The following ADGRV1 variants were observed in gnomAD, a reference collection of about 807,000 sequenced individuals.
ADGRV1 encodes G-protein coupled receptor 98.
A neutral mutation model predicts 596.2 loss-of-function variants in ADGRV1; 359 were observed. The ratio of observed to expected loss-of-function variants is 0.60; its 90% CI spans 0.55 to 0.66. ADGRV1 has a LOEUF of 0.66. Ranked by LOEUF, ADGRV1 falls within the 30% of genes least tolerant of loss-of-function variation. ADGRV1 has a pLI of 0.00. For missense variants in ADGRV1, 7,274 were observed against 7,575.6 expected, an observed-to-expected ratio of 0.96 and a Z score of 1.48; for synonymous variants, 2,681 against 2,679.2, an observed-to-expected ratio of 1.00 and a Z score of -0.02.
chr5:91,039,464 G>A (rs1167673873), intron 85 of ADGRV1, among the ~76,000 whole-genome samples: 2 of 152,202 alleles, frequency 1.3e-5, no homozygotes, highest in African/African-American at 4.8e-5. Flanking sequence ...ATTCACCTCT[G>A]AACCAAAGCT....
intron 83 of ADGRV1, among the ~76,000 whole-genome samples, chr5:90,953,398 C>G (rs1777210150): frequency 6.6e-6 from 1 of 152,170 alleles, no homozygotes. Flanking sequence ...CTTCCCTCCT[C>G]ATTTAGTTGA....
chr5:90,778,817 C>T (rs372143615), intron 63 of ADGRV1, 48 bp from the exon 64 acceptor site: 1 of 1,458,454 alleles, frequency 6.9e-7, no homozygotes, highest in Non-Finnish European at 9.5e-7. Flanking sequence ...ACAGTATTGT[C>T]TGGTAGATTA....
chr5:90,788,720 G>A (rs1759744334), intron 68 of ADGRV1, among the ~76,000 whole-genome samples: 1 of 152,170 alleles, frequency 6.6e-6, no homozygotes, highest in African/African-American at 2.4e-5. Flanking sequence ...AAGGCAAAAA[G>A]TGCTGGGACC....
In ADGRV1 at chr5:90,869,924, G is replaced by T. The variant is rs376060198; in HGVS notation, c.17856+6067G>T. 3.9e-5 allele frequency among the ~76,000 whole-genome samples: 6 copies of T among 152,146 alleles called. No individual in the cohort carries two copies. In the South Asian group the frequency reaches 1.2e-3, roughly 31 times the overall value. On this transcript the variant is annotated intron_variant, in intron 83 of 89. Coordinates refer to ENST00000405460, the MANE Select transcript of ADGRV1 (RefSeq NM_032119.4). ...GTCATTTTTAAAACTGCTATACTAA[G>T]TTGCTTCATAAATGAGGAATTAATG...
chr5:90,699,768 G>A (rs1747661344), intron 34 of ADGRV1, among the ~76,000 whole-genome samples: 1 of 152,130 alleles, frequency 6.6e-6, no homozygotes, highest in Non-Finnish European at 1.5e-5. Context: ...CCTACAGTCT[G>A]TTTGGCCCAG....
At chr5:90,666,718 C>T (rs1053572629) in intron 21 of ADGRV1, among the ~76,000 whole-genome samples, 29 of 151,500 alleles carry the variant, frequency 1.9e-4, no homozygotes, top group African/African-American at 7.1e-4. Flanking sequence ...ATGGTCTTTA[C>T]ATTTTGGCAT....
At chr5:90,868,783 G>A (rs770287139) in intron 83 of ADGRV1, among the ~76,000 whole-genome samples, 3 of 151,510 alleles carry the variant, frequency 2.0e-5, no homozygotes, top group Non-Finnish European at 4.4e-5. Flanking sequence ...ACACAGATAT[G>A]AATATACATT....
Position 90,783,948 on chromosome 5 carries a change from G to T in ADGRV1, c.13544G>T (p.Gly4515Val). The change falls in exon 67 of 90, where the codon GGA becomes GTA. Residue 4515 changes from glycine to valine, a missense_variant. This residue lies in a region of ADGRV1 where 3,643 missense variants were observed against 3,809.2 expected (regional missense o/e 0.96). Coordinates refer to ENST00000405460, the MANE Select transcript of ADGRV1 (RefSeq NM_032119.4). ...IIIAKSDSPF[G>V]VIRFLNQSKI... is the part of the protein sequence containing the mutation. ...ATAGCTAAGAGTGACTCTCCCTTTG[G>T]AGTTATAAGGTTTCTCAATCAAAGC... 2.0e-5 allele frequency: 32 copies of T among 1,612,234 alleles called. No homozygotes were observed. Among genetic ancestry groups the T allele is most frequent in the Non-Finnish European group, 2.7e-5 (32 of 1,179,206 alleles).
intron 87 of ADGRV1, among the ~76,000 whole-genome samples, chr5:91,114,728 C>T (rs1792699248): frequency 6.6e-6 from 1 of 152,084 alleles, no homozygotes; most frequent in Non-Finnish European, 1.5e-5. Context: ...TTTTCATTCC[C>T]CAATACTATG....
chr5:90,895,319 T>C (rs1292221014), intron 83 of ADGRV1, among the ~76,000 whole-genome samples: 1 of 152,130 alleles, frequency 6.6e-6, no homozygotes, highest in Non-Finnish European at 1.5e-5. Context: ...TAGCTAGTGG[T>C]AAGTGTAACA....
intron 77 of ADGRV1, among the ~76,000 whole-genome samples, chr5:90,838,433 A>C (rs1303036145): frequency 6.6e-6 from 1 of 152,060 alleles, no homozygotes; most frequent in Admixed American, 6.6e-5. Context: ...TCTCCAGGCT[A>C]GACTATATAG....
chr5:91,116,184 C>T (rs147511826), intron 87 of ADGRV1, among the ~76,000 whole-genome samples: 1 of 152,216 alleles, frequency 6.6e-6, no homozygotes, highest in Non-Finnish European at 1.5e-5. Context: ...ATTTTCAGTC[C>T]TGCAGAATAA....
intron 1 of ADGRV1, among the ~76,000 whole-genome samples, chr5:90,596,772 TGACCGTGGAAAGAGAGGGAGAGGGA>T (rs988807809): frequency 2.6e-5 from 4 of 151,074 alleles, no homozygotes; most frequent in African/African-American, 9.8e-5. Flanking sequence ...CATCAGAGGG[TGACCGTGGAAAGAGAGGGAGAGGGA>T]GACCATGGGG....
chr5:90,619,130 T>A lies in ADGRV1; in HGVS notation c.402T>A (p.Thr134=). ...AGCTTGGATGGCCAAGGACTGTTAC[T>A]GTGACAATATTATCAAATGACAATG... The part of the protein sequence containing the change: ...NVKLGWPRTV[T]VTILSNDNAF... The change falls in exon 4 of 90, where the codon ACT becomes ACA. Residue 134 remains threonine (T), a synonymous_variant. Coordinates refer to ENST00000405460, the MANE Select transcript of ADGRV1 (RefSeq NM_032119.4). 6.6e-7 allele frequency: 1 copy of A among 1,511,160 alleles called. No individual in the cohort carries two copies. Among genetic ancestry groups the A allele is most frequent in the Non-Finnish European group, 8.9e-7 (1 of 1,126,102 alleles). The allele number at this position is 1,511,160 out of a possible 1,614,324, so 93.6% of individuals were successfully genotyped here.
chr5:90,663,456 G>T (rs987226984), intron 21 of ADGRV1, among the ~76,000 whole-genome samples: 224 of 149,678 alleles, frequency 1.5e-3, no homozygotes, highest in Admixed American at 5.4e-3. Context: ...TTTTGATGGG[G>T]TTGTTTGTTT....
chr5:90,938,772 C>A (rs1247036259), intron 83 of ADGRV1, among the ~76,000 whole-genome samples: 1 of 152,080 alleles, frequency 6.6e-6, no homozygotes, highest in Non-Finnish European at 1.5e-5. Flanking sequence ...CACTGAAACA[C>A]TGAAGAAAGT....
At chr5:90,813,410 G>A (rs1762634008) in intron 74 of ADGRV1, among the ~76,000 whole-genome samples, 1 of 152,004 alleles carries the variant, frequency 6.6e-6, no homozygotes, top group Admixed American at 6.6e-5. Flanking sequence ...TAGGGGCTCA[G>A]GATAGAAGTT....
rs532372640 is a variant in ADGRV1 at position 91,041,967 on chromosome 5, A to G, written c.18153-30480A>G. Among the ~76,000 whole-genome samples, 6 of 152,340 alleles carry G rather than the reference A, an allele frequency of 3.9e-5. No individual in the cohort carries two copies. The East Asian group carries it at 9.6e-4, about 24-fold the overall frequency. On this transcript the variant is annotated intron_variant, in intron 85 of 89. Transcript: ENST00000405460. ...GAGGAGAACTTAGGGGATGTGGCTA[A>G]AATTAGCCCTCCACTAGGAAGTATT...
intron 83 of ADGRV1, among the ~76,000 whole-genome samples, chr5:90,876,266 C>G (rs1294804912): frequency 1.3e-5 from 2 of 152,112 alleles, no homozygotes; most frequent in African/African-American, 4.8e-5. Flanking sequence ...AAAATCTTTG[C>G]ATTTAAGGAG....
Sources: gnomAD v4.1 joint callset for allele counts (sites outside exome capture counted in the v4.1 genomes callset) on GRCh38, gnomAD v4.1.1 for gene constraint, gnomAD v4.1.1 regional missense constraint, MANE v1.5 for transcripts, NCBI Gene and HGNC (gene_info 2026-07-23, HGNC 2026-07-21) for gene names.